The following ZNF609 variants were observed in gnomAD, a reference collection of about 807,000 sequenced individuals.
ZNF609 encodes zinc finger protein 609.
In ZNF609, 11 loss-of-function variants were observed where a neutral mutation model predicts 109.5. The observed-to-expected ratio is 0.10, with a 90% CI of 0.06 to 0.17. The LOEUF is 0.17. Ranked by LOEUF, ZNF609 falls within the 10% of genes least tolerant of loss-of-function variation. ZNF609 has a pLI of 1.00. For missense variants in ZNF609, 1,559 were observed against 1,772.4 expected, an observed-to-expected ratio of 0.88 and a Z score of 2.16; for synonymous variants, 646 against 662.0, an observed-to-expected ratio of 0.98 and a Z score of 0.37.
At chr15:64,570,565 CT>C (rs1894844868) in intron 2 of ZNF609, among the ~76,000 whole-genome samples, 1 of 152,096 alleles carries the variant, frequency 6.6e-6, no homozygotes, top group South Asian at 2.1e-4. Context: ...TTTAAGCCTT[CT>C]AATTATATTT....
At chr15:64,611,549 G>T (rs1293059698) in intron 2 of ZNF609, among the ~76,000 whole-genome samples, 1 of 152,090 alleles carries the variant, frequency 6.6e-6, no homozygotes, top group East Asian at 1.9e-4. Context: ...TGTTTGATCT[G>T]CTGTCTCCTC....
intron 2 of ZNF609, among the ~76,000 whole-genome samples, chr15:64,621,460 C>T (rs1007305773): frequency 5.9e-5 from 9 of 152,128 alleles, no homozygotes; most frequent in Admixed American, 3.3e-4. Context: ...AGTGGTCCTC[C>T]CACCTCCGCT....
chr15:64,618,080 A>G (rs1270754625), intron 2 of ZNF609, among the ~76,000 whole-genome samples: 1 of 150,760 alleles, frequency 6.6e-6, no homozygotes, highest in Non-Finnish European at 1.5e-5. Flanking sequence ...CCCTGCTCTT[A>G]TATTTTAGGT....
chr15:64,480,233 C>T (rs1461743421), intron 1 of ZNF609, among the ~76,000 whole-genome samples: 1 of 150,444 alleles, frequency 6.6e-6, no homozygotes, highest in Non-Finnish European at 1.5e-5. Flanking sequence ...AGCAAGACTC[C>T]ATCTCCAAAA....
intron 2 of ZNF609, chr15:64,593,001 A>G (rs909834471): frequency 1.2e-4 from 178 of 1,529,670 alleles, no homozygotes; most frequent in Non-Finnish European, 1.5e-4. Flanking sequence ...AGAAGGAACA[A>G]TGGTCGTGCC....
intron 7 of ZNF609, 123 bp from the exon 8 acceptor site, chr15:64,680,523 C>G (rs1029996275): frequency 2.3e-6 from 3 of 1,280,726 alleles, no homozygotes; most frequent in Non-Finnish European, 3.3e-6. Context: ...GTATCTTGCA[C>G]TTTTAGGGGT....
intron 3 of ZNF609, among the ~76,000 whole-genome samples, chr15:64,660,528 C>T (rs187787027): frequency 3.9e-5 from 6 of 152,192 alleles, no homozygotes; most frequent in African/African-American, 9.7e-5. Context: ...GAAGTTATGA[C>T]GGAGACTGTG....
At chr15:64,511,744 T>C (rs1893734553) in intron 2 of ZNF609, among the ~76,000 whole-genome samples, 2 of 149,172 alleles carry the variant, frequency 1.3e-5, no homozygotes, top group African/African-American at 2.5e-5. Flanking sequence ...AGACTGAGTC[T>C]CGCTCTGTCG....
At chr15:64,652,360 TAC>T (rs1316651869) in intron 3 of ZNF609, among the ~76,000 whole-genome samples, 1 of 148,274 alleles carries the variant, frequency 6.7e-6, no homozygotes, top group Non-Finnish European at 1.5e-5. Flanking sequence ...TAGCCGGGAC[TAC>T]AGGCACACAC....
At chr15:64,613,320 G>A (rs796485338) in intron 2 of ZNF609, among the ~76,000 whole-genome samples, 1 of 151,886 alleles carries the variant, frequency 6.6e-6, no homozygotes, top group Non-Finnish European at 1.5e-5. Flanking sequence ...GAAAAAAAAC[G>A]AAGAAGAAGA....
At chr15:64,649,031 A>C (rs1023448322) in intron 3 of ZNF609, among the ~76,000 whole-genome samples, 6 of 152,200 alleles carry the variant, frequency 3.9e-5, no homozygotes, top group African/African-American at 9.6e-5. Context: ...CATACATAAG[A>C]GAAAGAATTT....
intron 2 of ZNF609, among the ~76,000 whole-genome samples, chr15:64,589,292 G>A (rs550550048): frequency 6.6e-6 from 1 of 152,228 alleles, no homozygotes; most frequent in Admixed American, 6.5e-5. Flanking sequence ...CTGATATCAG[G>A]CTAATCATAG....
At chr15:64,573,389 C>G (rs1399908072) in intron 2 of ZNF609, among the ~76,000 whole-genome samples, 7 of 103,790 alleles carry the variant, frequency 6.7e-5, no homozygotes, top group African/African-American at 2.5e-4. Flanking sequence ...GAGTCTTGCT[C>G]TGTCGCCCAG....
rs1407766362 is a variant in ZNF609 at position 64,674,312 on chromosome 15, C to G, written c.1458C>G (p.Asp486Glu). Residue 486 changes from aspartate (D) to glutamate (E), a missense_variant, in exon 5 of 10, where the codon GAC becomes GAG. By Grantham distance (45) the Asp-to-Glu change is conservative (BLOSUM62 2). This residue lies in a region of ZNF609 where 1,204 missense variants were observed against 1,314.1 expected (regional missense o/e 0.92). Coordinates refer to ENST00000326648, the MANE Select transcript of ZNF609 (RefSeq NM_015042.2). ...CAAAGGTAGAACCCACTGTTCTGGA[C>G]AGAAACTGCCCCTCCCCCGTCCTAA... is the stretch of plus-strand genomic sequence containing the variant. ...PGTKVEPTVLDRNCPSPVLID... is the reference protein window; with the variant it reads ...PGTKVEPTVLERNCPSPVLID... 14 of 1,614,074 alleles carry G rather than the reference C, an allele frequency of 8.7e-6. No homozygotes were observed. Among genetic ancestry groups the G allele is most frequent in the Non-Finnish European group, 1.0e-5 (12 of 1,180,044 alleles).
In ZNF609 at chr15:64,576,984, A is replaced by G. The variant is rs1349554700; in HGVS notation, c.748-45843A>G. On this transcript the variant is annotated intron_variant, in intron 2 of 9. Transcript: ENST00000326648. ...TATATACACATAAATATATATATGT[A>G]TGTATACACATAAATATATATATGT... Among the ~76,000 whole-genome samples the G allele has an allele frequency of 5.9e-5, 8 of 136,622 alleles. 1 individual carries two copies. Among genetic ancestry groups the G allele is most frequent in the African/African-American group, 8.1e-5 (3 of 36,846 alleles). The allele number at this position is 136,622 out of a possible 152,430, so 89.6% of individuals were successfully genotyped here.
At position 64,500,085 on chromosome 15, in the gene ZNF609, G is replaced by A. The variant is rs569849172; in HGVS notation, c.666G>A (p.Ala222=). Residue 222 remains alanine, a synonymous_variant, in exon 2 of 10, where the codon GCG becomes GCA. Coordinates refer to ENST00000326648, the MANE Select transcript of ZNF609 (RefSeq NM_015042.2). The stretch of plus-strand genomic sequence containing the variant: ...GTATAGCTATTGAGCCTGGGGCAGC[G>A]CTCAATCCTTTGGGAACTAAACCGG... The part of the protein sequence containing the change: ...LGSIAIEPGA[A]LNPLGTKPEP... 1.8e-5 allele frequency: 29 copies of A among 1,614,122 alleles called. No individual in the cohort carries two copies. The highest frequency in any genetic ancestry group is 1.6e-4 in the Middle Eastern group (1 of 6,062).
chr15:64,580,518 C>G lies in ZNF609; in HGVS notation c.748-42309C>G, dbSNP rs779089732. On this transcript the variant is annotated intron_variant, in intron 2 of 9. Transcript: ENST00000326648. Reference sequence around the variant, plus strand: ...ATTTCTTGTAGGGCAGGTCTACTAGCAATGAACTCTCTCAGTTCTTTTCTT... The same window carrying G: ...ATTTCTTGTAGGGCAGGTCTACTAGGAATGAACTCTCTCAGTTCTTTTCTT... 8.6e-5 allele frequency among the ~76,000 whole-genome samples: 13 copies of G among 151,664 alleles called. 1 individual carries two copies. The highest frequency in any genetic ancestry group is 3.4e-3 in the Middle Eastern group (1 of 292).
At chr15:64,642,055 T>A (rs1294350140) in intron 3 of ZNF609, among the ~76,000 whole-genome samples, 1 of 152,206 alleles carries the variant, frequency 6.6e-6, no homozygotes, top group African/African-American at 2.4e-5. Flanking sequence ...TTGCTGTTAA[T>A]CTGATTGGAG....
At chr15:64,606,558 CAA>C (rs71133455) in intron 2 of ZNF609, among the ~76,000 whole-genome samples, 1,515 of 92,670 alleles carry the variant, frequency 0.016, 16 homozygotes, top group African/African-American at 0.037. Flanking sequence ...GACTCCATCT[CAA>C]AAAAAAAAAA....
Sources: allele counts gnomAD v4.1 joint callset (sites outside exome capture counted in the v4.1 genomes callset), GRCh38; gene constraint gnomAD v4.1.1; regional missense constraint gnomAD v4.1.1; transcripts MANE v1.5; gene names NCBI Gene and HGNC (gene_info 2026-07-23, HGNC 2026-07-21).